SEMA6D: variants seen among roughly 807,000 people sequenced by gnomAD.
The protein encoded by SEMA6D is semaphorin-6D.
A neutral mutation model predicts 106.6 loss-of-function variants in SEMA6D; 35 were observed. That is an observed-to-expected ratio of 0.33 (90% CI 0.25 to 0.44). The LOEUF (loss-of-function observed/expected upper bound fraction) is 0.44, where lower values mean the gene tolerates loss of function less well. SEMA6D is among the 20% of genes least tolerant of loss of function. The pLI is 1.00. For synonymous variants in SEMA6D, 499 were observed against 487.7 expected (o/e 1.02, Z -0.31); for missense variants, 1,185 against 1,345.9 (o/e 0.88, Z 1.87).
chr15:47,561,169 A>G (rs1161625733), intron 3 of SEMA6D, among the ~76,000 whole-genome samples: 1 of 152,122 alleles, frequency 6.6e-6, no homozygotes, highest in East Asian at 1.9e-4. Flanking sequence ...AGAAATACTC[A>G]AGGAGATTCA....
At chr15:47,371,056 A>G (rs781218956) in intron 1 of SEMA6D, among the ~76,000 whole-genome samples, 14 of 152,176 alleles carry the variant, frequency 9.2e-5, no homozygotes, top group Non-Finnish European at 1.5e-4. Context: ...TCCAGTGCCA[A>G]ATGAAACAAG....
intron 1 of SEMA6D, among the ~76,000 whole-genome samples, chr15:47,241,526 C>G (rs898537887): frequency 6.6e-6 from 1 of 152,040 alleles, no homozygotes; most frequent in Admixed American, 6.6e-5. Context: ...CCCTTTCTCT[C>G]CCCTAGCTGA....
intron 3 of SEMA6D, among the ~76,000 whole-genome samples, chr15:47,550,603 C>G (rs905032958): frequency 6.6e-6 from 1 of 152,110 alleles, no homozygotes; most frequent in Non-Finnish European, 1.5e-5. Context: ...GCCATGTTGT[C>G]TAAGCTTCTT....
intron 2 of SEMA6D, among the ~76,000 whole-genome samples, chr15:47,457,863 A>G (rs575419377): frequency 6.6e-6 from 1 of 152,050 alleles, no homozygotes; most frequent in African/African-American, 2.4e-5. Context: ...CAAATTGCTG[A>G]AAACCAGTGA....
intron 1 of SEMA6D, among the ~76,000 whole-genome samples, chr15:47,234,278 G>A (rs562382327): frequency 6.6e-6 from 1 of 151,968 alleles, no homozygotes; most frequent in African/African-American, 2.4e-5. Context: ...TAAAGTCTAA[G>A]GCAGAGACTA....
upstream of SEMA6D, among the ~76,000 whole-genome samples, chr15:47,716,471 T>A (rs1367697447): frequency 6.6e-6 from 1 of 152,172 alleles, no homozygotes; most frequent in African/African-American, 2.4e-5. Context: ...TCTTTCACGG[T>A]AATTAACCAT....
intron 1 of SEMA6D, among the ~76,000 whole-genome samples, chr15:47,404,247 C>G (rs1010555717): frequency 1.8e-4 from 27 of 152,052 alleles, no homozygotes; most frequent in African/African-American, 6.5e-4. Flanking sequence ...TCTGTGGGAA[C>G]CAAGAAGTGG....
chr15:47,260,476 C>T (rs912987060), intron 1 of SEMA6D, among the ~76,000 whole-genome samples: 9 of 152,068 alleles, frequency 5.9e-5, no homozygotes, highest in African/African-American at 2.2e-4. Flanking sequence ...CCCCACTGAT[C>T]CATGCTAGTA....
chr15:47,518,731 G>A (rs1488835568), intron 3 of SEMA6D, among the ~76,000 whole-genome samples: 3 of 152,190 alleles, frequency 2.0e-5, no homozygotes, highest in Non-Finnish European at 2.9e-5. Flanking sequence ...GTCAGTGAGT[G>A]AGTGGTGAAT....
intron 1 of SEMA6D, among the ~76,000 whole-genome samples, chr15:47,248,140 A>G (rs1488605119): frequency 6.6e-6 from 1 of 152,222 alleles, no homozygotes; most frequent in African/African-American, 2.4e-5. Context: ...GAACCCAAAA[A>G]TAGTTGTCAA....
At chr15:47,382,280 G>A (rs1233883736) in intron 1 of SEMA6D, among the ~76,000 whole-genome samples, 2 of 152,028 alleles carry the variant, frequency 1.3e-5, no homozygotes, top group African/African-American at 4.8e-5. Context: ...AGGCTGAGGC[G>A]GGCAGATCAC....
chr15:47,361,057 G>C (rs1004289601), intron 1 of SEMA6D, among the ~76,000 whole-genome samples: 2 of 152,238 alleles, frequency 1.3e-5, no homozygotes, highest in African/African-American at 4.8e-5. Flanking sequence ...ATAGTAGGTA[G>C]TTTGTAACTA....
chr15:47,555,840 A>G (rs1046431915), intron 3 of SEMA6D, among the ~76,000 whole-genome samples: 4 of 152,214 alleles, frequency 2.6e-5, no homozygotes, highest in African/African-American at 9.6e-5. Flanking sequence ...AAGCCAAAAT[A>G]TAGATACTTT....
At chr15:47,753,156 A>G (rs571043280) in intron 1 of SEMA6D, among the ~76,000 whole-genome samples, 1 of 152,174 alleles carries the variant, frequency 6.6e-6, no homozygotes, top group Non-Finnish European at 1.5e-5. Flanking sequence ...GAGTGTGGAG[A>G]CATAGCAGAT....
intron 1 of SEMA6D, among the ~76,000 whole-genome samples, chr15:47,215,227 C>CT (rs921895457): frequency 1.3e-5 from 2 of 151,104 alleles, no homozygotes; most frequent in African/African-American, 4.9e-5. Flanking sequence ...AGATCTGTGG[C>CT]TAGAGAATCT....
At position 47,724,241 on chromosome 15, in the gene SEMA6D, C is replaced by A. The variant is rs56270226; in HGVS notation, c.-55+6549C>A. The stretch of plus-strand genomic sequence containing the variant: ...ATAAAGAATGTTGCAGTTGTTCTTG[C>A]CATTGCTGGCACTAACATTTGTTCA... On this transcript the variant is annotated intron_variant, in intron 1 of 18. Transcript: ENST00000536845. 3.5e-3 allele frequency among the ~76,000 whole-genome samples: 528 copies of A among 152,368 alleles called. 2 individuals carry two copies. The highest frequency in any genetic ancestry group is 5.6e-3 in the Non-Finnish European group (381 of 68,028).
intron 1 of SEMA6D, among the ~76,000 whole-genome samples, chr15:47,187,328 C>T (rs532623233): frequency 4.6e-5 from 7 of 152,256 alleles, no homozygotes; most frequent in African/African-American, 1.4e-4. Flanking sequence ...TGTTTACAAA[C>T]ACATATATTT....
At chr15:47,303,813 A>G (rs1196928322) in intron 1 of SEMA6D, among the ~76,000 whole-genome samples, 1 of 152,196 alleles carries the variant, frequency 6.6e-6, no homozygotes, top group African/African-American at 2.4e-5. Flanking sequence ...AGTTCCAGGA[A>G]AGGCCAGTCA....
At chr15:47,734,566 A>G (rs570156874) in intron 1 of SEMA6D, among the ~76,000 whole-genome samples, 1 of 152,310 alleles carries the variant, frequency 6.6e-6, no homozygotes, top group East Asian at 1.9e-4. Flanking sequence ...ACATGAGTTG[A>G]AAAGAGCCAC....
Sources: allele counts gnomAD v4.1 joint callset (sites outside exome capture counted in the v4.1 genomes callset), GRCh38; gene constraint gnomAD v4.1.1; transcripts MANE v1.5; gene names NCBI Gene and HGNC (gene_info 2026-07-23, HGNC 2026-07-21).